CEP170: variants seen among roughly 807,000 people sequenced by gnomAD.
CEP170 encodes centrosomal protein of 170 kDa.
A neutral mutation model predicts 151.9 loss-of-function variants in CEP170; 21 were observed. The ratio of observed to expected loss-of-function variants is 0.14; its 90% CI spans 0.10 to 0.20. The LOEUF (loss-of-function observed/expected upper bound fraction) is 0.20, where lower values mean the gene tolerates loss of function less well. Among genes scored for constraint, CEP170 ranks in the 10% least tolerant of loss-of-function variants. The probability of loss-of-function intolerance (pLI) is 1.00; values close to 1 mark genes in which losing one functional copy is unlikely to be tolerated. For synonymous variants in CEP170, 356 were observed against 648.8 expected (o/e 0.55, Z 6.86); for missense variants, 964 against 1,892.9 (o/e 0.51, Z 9.11).
intron 1 of CEP170, among the ~76,000 whole-genome samples, chr1:243,233,215 T>G (rs945230121): frequency 6.6e-6 from 1 of 152,224 alleles, no homozygotes; most frequent in Non-Finnish European, 1.5e-5. Flanking sequence ...CACAGTTCCA[T>G]TTACATGGAA....
chr1:243,184,117 A>T (rs1245417706), intron 10 of CEP170, among the ~76,000 whole-genome samples: 6 of 152,148 alleles, frequency 3.9e-5, no homozygotes, highest in Non-Finnish European at 8.8e-5. Flanking sequence ...TAATAACAGT[A>T]ATGATAAAGC....
Position 243,226,161 on chromosome 1 carries a change from CTCTA to C in CEP170, c.-41-844_-41-841del, listed in dbSNP as rs76300555. Among the ~76,000 whole-genome samples the C allele has an allele frequency of 1.8e-3, 192 of 107,604 alleles. 1 individual carries two copies. Among genetic ancestry groups the C allele is most frequent in the Non-Finnish European group, 2.3e-3 (129 of 55,198 alleles). 70.6% of individuals were successfully genotyped at this position (107,604 alleles called of 152,430 possible). ...TGTATATATATGTACATGTCTATCT[CTCTA>C]TAGATATATATATATCTAGATATAT... On this transcript the variant is annotated intron_variant, in intron 1 of 19. Coordinates refer to ENST00000366542, the MANE Select transcript of CEP170 (RefSeq NM_014812.3).
chr1:243,183,386 G>T (rs2059753321), intron 10 of CEP170, among the ~76,000 whole-genome samples: 1 of 152,046 alleles, frequency 6.6e-6, no homozygotes, highest in African/African-American at 2.4e-5. Flanking sequence ...TCAAAATGGA[G>T]AAACTGGATG....
intron 6 of CEP170, among the ~76,000 whole-genome samples, chr1:243,200,179 T>C (rs1191081289): frequency 6.6e-6 from 1 of 152,042 alleles, no homozygotes; most frequent in Admixed American, 6.6e-5. Context: ...GTTCAAGTTA[T>C]GTGCAAATAC....
intron 13 of CEP170, chr1:243,156,728 C>A: frequency 3.3e-6 from 1 of 299,992 alleles, no homozygotes. Context: ...AAAAATTTCG[C>A]TAATGATAAA....
intron 1 of CEP170, among the ~76,000 whole-genome samples, chr1:243,239,444 C>G (rs2064595473): frequency 6.6e-6 from 1 of 152,186 alleles, no homozygotes; most frequent in Non-Finnish European, 1.5e-5. Context: ...AATCCTTCCT[C>G]TATCCAGCTA....
chr1:243,255,634 A>C (rs1215370701), upstream of CEP170, among the ~76,000 whole-genome samples: 4 of 152,214 alleles, frequency 2.6e-5, no homozygotes. Context: ...CGACCGTTTT[A>C]AAAAATCTCG....
chr1:243,241,739 G>A (rs1032395542), intron 1 of CEP170, among the ~76,000 whole-genome samples: 1 of 147,874 alleles, frequency 6.8e-6, no homozygotes, highest in Non-Finnish European at 1.5e-5. Context: ...GCAGAGAGCC[G>A]AGATCTCACC....
intron 14 of CEP170, among the ~76,000 whole-genome samples, chr1:243,147,819 T>A (rs546056885): frequency 3.3e-5 from 5 of 152,306 alleles, no homozygotes; most frequent in African/African-American, 1.2e-4. Context: ...GACTTAAAAA[T>A]TTTCAATTTG....
chr1:243,138,354 G>T (rs1431192864), intron 16 of CEP170, among the ~76,000 whole-genome samples: 1 of 148,918 alleles, frequency 6.7e-6, no homozygotes, highest in Admixed American at 6.7e-5. Context: ...GCTGTAAAAC[G>T]TTTTAGTATA....
chr1:243,210,608 AT>A (rs751388751), intron 4 of CEP170, among the ~76,000 whole-genome samples: 225 of 67,944 alleles, frequency 3.3e-3, no homozygotes, highest in African/African-American at 0.012. Context: ...ATTTTTCGTA[AT>A]TTTTTTTTTT....
chr1:243,181,583 A>G (rs925977809), intron 10 of CEP170, among the ~76,000 whole-genome samples: 1 of 152,166 alleles, frequency 6.6e-6, no homozygotes, highest in African/African-American at 2.4e-5. Flanking sequence ...CTTTAAAGAA[A>G]TCCTATTTTA....
chr1:243,130,435 C>T (rs1167144333), intron 17 of CEP170, among the ~76,000 whole-genome samples: 3 of 152,062 alleles, frequency 2.0e-5, no homozygotes, highest in African/African-American at 4.8e-5. Flanking sequence ...CCTATCATTA[C>T]CCTAACATCA....
chr1:243,220,323 C>T (rs1225534811), intron 3 of CEP170, among the ~76,000 whole-genome samples: 2 of 151,690 alleles, frequency 1.3e-5, no homozygotes, highest in African/African-American at 2.4e-5. Context: ...AATGATGGAG[C>T]ATCAATCTGG....
intron 13 of CEP170, chr1:243,156,727 G>A (rs3015132): frequency 9.8e-6 from 3 of 304,614 alleles, no homozygotes; most frequent in East Asian, 1.1e-4. Flanking sequence ...GAAAAATTTC[G>A]CTAATGATAA....
At position 243,205,950 on chromosome 1, in the gene CEP170, GAAGAAAA is replaced by G. The variant is rs547251741; in HGVS notation, c.275-5122_275-5116del. The stretch of plus-strand genomic sequence containing the variant: ...ACAAAAAGAAAGAAGAAGAAAGAAG[GAAGAAAA>G]AAGAAAGAAGAAAGAAGGAAGAAAA... On this transcript the variant is annotated intron_variant, in intron 4 of 19. Coordinates refer to ENST00000366542, the MANE Select transcript of CEP170 (RefSeq NM_014812.3). Among the ~76,000 whole-genome samples, 385 of 145,176 alleles carry G rather than the reference GAAGAAAA, an allele frequency of 2.7e-3. 1 individual carries two copies. The highest frequency in any genetic ancestry group is 9.3e-3 in the African/African-American group (368 of 39,416).
rs569117741 is a variant in CEP170 at position 243,180,947 on chromosome 1, C to A, written c.1566+4832G>T. On this transcript the variant is annotated intron_variant, in intron 10 of 19. Transcript: ENST00000366542. ...TTGACACAATGAACAAGAATCAAAA[C>A]TCAGGACAAGAAAAGTATCTGGCAG... Among the ~76,000 whole-genome samples the A allele has an allele frequency of 5.9e-5, 9 of 152,306 alleles. No individual in the cohort carries two copies. In the South Asian group the frequency reaches 1.7e-3, roughly 28 times the overall value.
At chr1:243,222,706 G>A (rs1471829041) in intron 2 of CEP170, among the ~76,000 whole-genome samples, 1 of 152,134 alleles carries the variant, frequency 6.6e-6, no homozygotes, top group Admixed American at 6.5e-5. Context: ...TGAAGTCATC[G>A]CTCCCATCTT....
intron 13 of CEP170, among the ~76,000 whole-genome samples, chr1:243,161,003 A>G (rs2058021677): frequency 6.6e-6 from 1 of 151,446 alleles, no homozygotes; most frequent in African/African-American, 2.4e-5. Context: ...AAATCTGGAT[A>G]TTTCAGTTAC....
Sources: allele counts gnomAD v4.1 joint callset (sites outside exome capture counted in the v4.1 genomes callset), GRCh38; gene constraint gnomAD v4.1.1; transcripts MANE v1.5; gene names NCBI Gene and HGNC (gene_info 2026-07-23, HGNC 2026-07-21).